Variants in SULF1 observed in about 807,000 individuals in gnomAD.
SULF1 encodes the protein sulfatase 1.
Under a neutral mutation model 110.5 loss-of-function variants are expected in SULF1, and 46 were observed. That is an observed-to-expected ratio of 0.42 (90% confidence interval 0.33 to 0.53). The LOEUF is 0.53. SULF1 is among the 20% of genes least tolerant of loss of function. The pLI is 0.12. For synonymous variants in SULF1, 371 were observed against 387.1 expected, an observed-to-expected ratio of 0.96 and a Z score of 0.49; for missense variants, 941 against 1,094.2, an observed-to-expected ratio of 0.86 and a Z score of 1.98.
chr8:69,519,917 T>C (rs1423323343), intron 3 of SULF1, among the ~76,000 whole-genome samples: 1 of 152,140 alleles, frequency 6.6e-6, no homozygotes, highest in Non-Finnish European at 1.5e-5. Context: ...AGGAAAGAAG[T>C]CTTGCATTTT....
At chr8:69,638,710 T>C in intron 20 of SULF1, 25 bp from the exon 21 acceptor site, 1 of 1,613,164 alleles carries the variant, frequency 6.2e-7, no homozygotes, top group Non-Finnish European at 8.5e-7. Flanking sequence ...TAAGCTTAAA[T>C]AGATTGTCCT....
At chr8:69,608,686 A>AAAAT (rs762103527) in intron 13 of SULF1, among the ~76,000 whole-genome samples, 27 of 152,152 alleles carry the variant, frequency 1.8e-4, no homozygotes, top group Non-Finnish European at 3.5e-4. Context: ...ACTCCATCTC[A>AAAAT]AAATAAATAA....
chr8:69,604,914 C>T lies in SULF1; in HGVS notation c.1359C>T (p.Ala453=), dbSNP rs1176868275. 6.8e-6 allele frequency: 11 copies of T among 1,614,208 alleles called. No individual in the cohort carries two copies. The highest frequency in any genetic ancestry group is 1.1e-5 in the South Asian group (1 of 91,084). ...ELCQQARYQT[A]CEQPGQKWQC... The stretch of plus-strand genomic sequence containing the variant: ...GCCAGCAGGCCAGGTACCAGACAGC[C>T]TGTGAACAACCGGGGCAGGTGAGTG... The change falls in exon 13 of 23, where the codon GCC becomes GCT. Residue 453 remains alanine (A), a synonymous_variant. Transcript: ENST00000402687.
At chr8:69,594,425 CACACACACACAA>C (rs1389694838) in intron 8 of SULF1, among the ~76,000 whole-genome samples, 1 of 81,656 alleles carries the variant, frequency 1.2e-5, no homozygotes, top group East Asian at 3.6e-4. Flanking sequence ...CATGTACACT[CACACACACACAA>C]ATACACAAGT....
At chr8:69,502,346 G>T (rs146782428) in intron 3 of SULF1, among the ~76,000 whole-genome samples, 16 of 152,316 alleles carry the variant, frequency 1.1e-4, no homozygotes, top group African/African-American at 3.4e-4. Context: ...ACAGTGTCAG[G>T]AGTGAAAGCT....
intron 3 of SULF1, among the ~76,000 whole-genome samples, chr8:69,516,308 A>G (rs989298518): frequency 2.0e-5 from 3 of 152,176 alleles, no homozygotes; most frequent in African/African-American, 7.2e-5. Flanking sequence ...GAATGGCAGA[A>G]GGTGAAGGGG....
At chr8:69,583,937 A>C (rs117862342) in intron 6 of SULF1, among the ~76,000 whole-genome samples, 1 of 152,338 alleles carries the variant, frequency 6.6e-6, no homozygotes, top group East Asian at 1.9e-4. Flanking sequence ...GAATTGCACA[A>C]GCAAAAATAG....
intron 3 of SULF1, among the ~76,000 whole-genome samples, chr8:69,551,218 C>G (rs1030268023): frequency 9.8e-5 from 15 of 152,318 alleles, no homozygotes; most frequent in Admixed American, 2.6e-4. Flanking sequence ...GATAATTTAC[C>G]TTAAGATGGA....
intron 6 of SULF1, among the ~76,000 whole-genome samples, chr8:69,577,762 T>C (rs190406813): frequency 1.3e-3 from 201 of 152,318 alleles, no homozygotes; most frequent in African/African-American, 4.4e-3. Flanking sequence ...GAATTTCCCA[T>C]GTTACTAATG....
At chr8:69,559,333 C>T (rs1815320883) in intron 3 of SULF1, among the ~76,000 whole-genome samples, 1 of 152,170 alleles carries the variant, frequency 6.6e-6, no homozygotes, top group Non-Finnish European at 1.5e-5. Context: ...GATTTTGTAG[C>T]ACTGTGATTA....
intron 8 of SULF1, among the ~76,000 whole-genome samples, chr8:69,589,466 C>T (rs1006519818): frequency 6.6e-6 from 1 of 152,200 alleles, no homozygotes; most frequent in Non-Finnish European, 1.5e-5. Flanking sequence ...TGTGTCTGAT[C>T]TAATAATGAT....
chr8:69,626,932 G>A (rs963286912), intron 15 of SULF1, among the ~76,000 whole-genome samples: 1 of 152,240 alleles, frequency 6.6e-6, no homozygotes. Flanking sequence ...GTGCAGCAGC[G>A]GGCCGAAGGG....
chr8:69,620,007 G>C (rs1259777990), intron 13 of SULF1, among the ~76,000 whole-genome samples: 1 of 152,156 alleles, frequency 6.6e-6, no homozygotes, highest in Non-Finnish European at 1.5e-5. Flanking sequence ...CTAGCTCTTG[G>C]AAGAATCAGG....
chr8:69,559,095 A>T (rs1045843374), intron 3 of SULF1, among the ~76,000 whole-genome samples: 19 of 152,354 alleles, frequency 1.2e-4, no homozygotes, highest in South Asian at 2.1e-4. Flanking sequence ...AAGTACAGTA[A>T]TAAAATCCAG....
At chr8:69,590,577 G>A (rs933715876) in intron 8 of SULF1, among the ~76,000 whole-genome samples, 1 of 152,206 alleles carries the variant, frequency 6.6e-6, no homozygotes, top group Non-Finnish European at 1.5e-5. Flanking sequence ...AAAGAAGGAG[G>A]CCAGAGCTGA....
intron 19 of SULF1, among the ~76,000 whole-genome samples, chr8:69,633,035 GAAAA>G (rs1211463502): frequency 3.3e-5 from 5 of 150,176 alleles, no homozygotes; most frequent in African/African-American, 1.2e-4. Context: ...AAAAAAAAAA[GAAAA>G]GAAAGAAAAA....
intron 5 of SULF1, among the ~76,000 whole-genome samples, chr8:69,572,356 T>C (rs1805295258): frequency 6.6e-6 from 1 of 152,180 alleles, no homozygotes; most frequent in South Asian, 2.1e-4. Flanking sequence ...TCCATTTCAT[T>C]ATCTGTGATA....
At chr8:69,575,644 T>C (rs1444738253) in intron 5 of SULF1, among the ~76,000 whole-genome samples, 1 of 152,208 alleles carries the variant, frequency 6.6e-6, no homozygotes, top group Non-Finnish European at 1.5e-5. Flanking sequence ...GCTATTGTTC[T>C]CTGGTAATCT....
At position 69,534,856 on chromosome 8, in the gene SULF1, A is replaced by G. The variant is rs189382340; in HGVS notation, c.-133-28683A>G. ...ACGTCATCATTCATAATGAATTAAT[A>G]CTTAAAGGAAATTTAAAAAAAAAAA... On this transcript the variant is annotated intron_variant, in intron 3 of 22. Transcript: ENST00000402687. Among the ~76,000 whole-genome samples the G allele has an allele frequency of 9.3e-5, 13 of 139,454 alleles. No homozygotes were observed. The East Asian group carries it at 2.9e-3, about 31-fold the overall frequency. 91.5% of individuals were successfully genotyped at this position (139,454 alleles called of 152,430 possible).
Sources: gnomAD v4.1 joint callset for allele counts (sites outside exome capture counted in the v4.1 genomes callset) on GRCh38, gnomAD v4.1.1 for gene constraint, MANE v1.5 for transcripts, NCBI Gene and HGNC (gene_info 2026-07-23, HGNC 2026-07-21) for gene names.